The following CADM1 variants were observed in gnomAD, a reference collection of about 807,000 sequenced individuals.
The protein encoded by CADM1 is TSLC-1.
A neutral mutation model predicts 53.1 loss-of-function variants in CADM1; 15 were observed. The ratio of observed to expected loss-of-function variants is 0.28; its 90% CI spans 0.19 to 0.44. CADM1 has a LOEUF of 0.44. Among genes scored for constraint, CADM1 ranks in the 20% least tolerant of loss-of-function variants. The pLI is 1.00. For synonymous variants in CADM1, 281 were observed against 243.0 expected (o/e 1.16, Z -1.45); for missense variants, 434 against 611.3 (o/e 0.71, Z 3.06).
chr11:115,421,020 T>C (rs1301386140), intron 1 of CADM1, among the ~76,000 whole-genome samples: 1 of 152,224 alleles, frequency 6.6e-6, no homozygotes, highest in Non-Finnish European at 1.5e-5. Context: ...TGTTTTTTAA[T>C]GCCTTTTTCC....
intron 1 of CADM1, among the ~76,000 whole-genome samples, chr11:115,314,918 G>A (rs1377890618): frequency 1.3e-5 from 2 of 152,206 alleles, no homozygotes; most frequent in Non-Finnish European, 2.9e-5. Flanking sequence ...ACTTTCAGCA[G>A]AAGCTTGTTT....
chr11:115,295,503 A>T (rs1255720855), intron 1 of CADM1, among the ~76,000 whole-genome samples: 2 of 35,388 alleles, frequency 5.7e-5, no homozygotes, highest in African/African-American at 3.6e-4. Flanking sequence ...TGATCAAGAT[A>T]TTTTATATAT....
At chr11:115,323,813 A>T (rs1396067298) in intron 1 of CADM1, among the ~76,000 whole-genome samples, 5 of 151,986 alleles carry the variant, frequency 3.3e-5, no homozygotes, top group African/African-American at 1.2e-4. Flanking sequence ...ACAAAACAAA[A>T]CGTAAATATT....
At chr11:115,352,381 AGAAT>A (rs1283879260) in intron 1 of CADM1, among the ~76,000 whole-genome samples, 1 of 152,256 alleles carries the variant, frequency 6.6e-6, no homozygotes, top group Non-Finnish European at 1.5e-5. Context: ...CACTTGTGCA[AGAAT>A]GAATGAATGA....
chr11:115,409,470 G>C (rs1947403843), intron 1 of CADM1, among the ~76,000 whole-genome samples: 1 of 152,060 alleles, frequency 6.6e-6, no homozygotes, highest in South Asian at 2.1e-4. Context: ...AGAAAGGAAT[G>C]TTGAGAAACA....
intron 10 of CADM1, among the ~76,000 whole-genome samples, chr11:115,189,950 T>C (rs535744067): frequency 6.6e-6 from 1 of 152,278 alleles, no homozygotes; most frequent in South Asian, 2.1e-4. Flanking sequence ...AGTAGTACTA[T>C]CTTATTCTCT....
At chr11:115,249,400 A>G (rs1410601778) in intron 1 of CADM1, among the ~76,000 whole-genome samples, 1 of 152,260 alleles carries the variant, frequency 6.6e-6, no homozygotes, top group Non-Finnish European at 1.5e-5. Context: ...ATAGCAGCTG[A>G]TAGCTGATAA....
intron 1 of CADM1, among the ~76,000 whole-genome samples, chr11:115,490,601 T>C (rs973087033): frequency 1.3e-5 from 2 of 152,044 alleles, no homozygotes; most frequent in Non-Finnish European, 1.5e-5. Context: ...GGTTTCACCA[T>C]ATTGGCCAGG....
intron 1 of CADM1, among the ~76,000 whole-genome samples, chr11:115,244,307 T>G (rs1942338051): frequency 6.6e-6 from 1 of 152,248 alleles, no homozygotes; most frequent in South Asian, 2.1e-4. Flanking sequence ...TCAATTAACA[T>G]AGTTTACAAA....
intron 1 of CADM1, among the ~76,000 whole-genome samples, chr11:115,406,015 G>T (rs1411475038): frequency 6.6e-6 from 1 of 152,076 alleles, no homozygotes; most frequent in Admixed American, 6.5e-5. Flanking sequence ...ACTTCAAAAG[G>T]CATCTGCATC....
At chr11:115,379,994 G>A (rs1946534522) in intron 1 of CADM1, among the ~76,000 whole-genome samples, 1 of 152,054 alleles carries the variant, frequency 6.6e-6, no homozygotes, top group Non-Finnish European at 1.5e-5. Context: ...AGATCAATGG[G>A]GTGAAATAAA....
intron 1 of CADM1, among the ~76,000 whole-genome samples, chr11:115,331,149 G>T (rs978005303): frequency 7.9e-5 from 12 of 152,080 alleles, no homozygotes; most frequent in Admixed American, 7.2e-4. Flanking sequence ...TTACTTCTGG[G>T]GATTTGGTTT....
intron 1 of CADM1, among the ~76,000 whole-genome samples, chr11:115,348,258 T>C (rs1945635999): frequency 1.3e-5 from 2 of 152,194 alleles, no homozygotes; most frequent in Admixed American, 1.3e-4. Context: ...AAAAGATTAC[T>C]ATAAGAAGTT....
chr11:115,380,970 G>T (rs1344562660), intron 1 of CADM1, among the ~76,000 whole-genome samples: 1 of 152,052 alleles, frequency 6.6e-6, no homozygotes, highest in African/African-American at 2.4e-5. Context: ...CCTCTTAGTA[G>T]TGCTAAGAGG....
chr11:115,296,855 C>G (rs547980019), intron 1 of CADM1, among the ~76,000 whole-genome samples: 1 of 152,260 alleles, frequency 6.6e-6, no homozygotes, highest in Admixed American at 6.5e-5. Flanking sequence ...AGAGTGTGGA[C>G]AGTATCTCAC....
Position 115,178,708 on chromosome 11 carries a change from C to A in CADM1, c.1233G>T (p.Ala411=). ...VDHAVIGGVV[A]VVVFAMLCLL... The stretch of plus-strand genomic sequence containing the variant: ...AGCACAGCATGGCGAACACCACCAC[C>A]GCCACGACGCCACCGATCACGGCAT... The change falls in exon 11 of 12, where the codon GCG becomes GCT. Residue 411 remains alanine, a synonymous_variant. Coordinates refer to ENST00000331581, the MANE Select transcript of CADM1 (RefSeq NM_001301043.2). 6.2e-7 allele frequency: 1 copy of A among 1,613,788 alleles called. No individual in the cohort carries two copies. Among genetic ancestry groups the A allele is most frequent in the South Asian group, 1.1e-5 (1 of 91,066 alleles).
At chr11:115,219,874 T>C (rs1156424064) in intron 5 of CADM1, among the ~76,000 whole-genome samples, 1 of 152,088 alleles carries the variant, frequency 6.6e-6, no homozygotes, top group African/African-American at 2.4e-5. Flanking sequence ...AAGAAGAAGG[T>C]TATGACACTG....
chr11:115,430,756 T>A (rs1948027676), intron 1 of CADM1, among the ~76,000 whole-genome samples: 2 of 152,188 alleles, frequency 1.3e-5, no homozygotes, highest in South Asian at 4.1e-4. Context: ...ATAGTTACCA[T>A]CCACCTGTAT....
intron 1 of CADM1, among the ~76,000 whole-genome samples, chr11:115,402,688 A>G (rs1290145400): frequency 6.6e-6 from 1 of 151,994 alleles, no homozygotes; most frequent in Non-Finnish European, 1.5e-5. Context: ...TTTATTCATA[A>G]TAAGAGACAT....
Sources: gnomAD v4.1 joint callset for allele counts (sites outside exome capture counted in the v4.1 genomes callset) on GRCh38, gnomAD v4.1.1 for gene constraint, MANE v1.5 for transcripts, NCBI Gene and HGNC (gene_info 2026-07-23, HGNC 2026-07-21) for gene names.